Variants in OSGIN2 observed in about 807,000 individuals in gnomAD.
The protein encoded by OSGIN2 is oxidative stress-induced growth inhibitor 2.
A neutral mutation model predicts 53.8 loss-of-function variants in OSGIN2; 19 were observed. The ratio of observed to expected loss-of-function variants is 0.35; its 90% CI spans 0.25 to 0.52. The LOEUF (loss-of-function observed/expected upper bound fraction) is 0.52, where lower values mean the gene tolerates loss of function less well. Ranked by LOEUF, OSGIN2 falls within the 20% of genes least tolerant of loss-of-function variation. The pLI is 0.95. For missense variants in OSGIN2, 520 were observed against 662.7 expected, an observed-to-expected ratio of 0.78 and a Z score of 2.36; for synonymous variants, 236 against 236.0, an observed-to-expected ratio of 1.00 and a Z score of 0.00.
intron 4 of OSGIN2, among the ~76,000 whole-genome samples, chr8:89,920,677 T>C (rs1279765580): frequency 6.6e-6 from 1 of 152,218 alleles, no homozygotes; most frequent in Non-Finnish European, 1.5e-5. Context: ...TGGAAAGCCA[T>C]CTAAAATTTT....
chr8:89,911,521 T>C (rs562975971), intron 2 of OSGIN2, among the ~76,000 whole-genome samples: 3 of 150,904 alleles, frequency 2.0e-5, no homozygotes, highest in East Asian at 2.0e-4. Context: ...TCCTAGCTAC[T>C]TGGGAGGCTG....
chr8:89,911,778 C>CA (rs1808973671), intron 2 of OSGIN2, among the ~76,000 whole-genome samples: 1 of 148,198 alleles, frequency 6.7e-6, no homozygotes, highest in Admixed American at 6.7e-5. Flanking sequence ...ACTAAAAATA[C>CA]AAAAAATTAG....
At position 89,912,743 on chromosome 8, in the gene OSGIN2, T is replaced by TC. The variant is rs1563468574; in HGVS notation, c.200-1334_200-1333insC. Among the ~76,000 whole-genome samples the TC allele has an allele frequency of 6.6e-3, 979 of 148,426 alleles. 13 individuals are homozygous for TC. Among genetic ancestry groups the TC allele is most frequent in the African/African-American group, 0.023 (917 of 40,056 alleles). On this transcript the variant is annotated intron_variant, in intron 2 of 5. Coordinates refer to ENST00000451899, the MANE Select transcript of OSGIN2 (RefSeq NM_001126111.3). ...CCTGGTGACACAGCGAGACTCTGTC[T>TC]GAAAAAAAAAAACACAACGAAAAAA...
intron 1 of OSGIN2, among the ~76,000 whole-genome samples, chr8:89,905,101 C>G (rs1585996587): frequency 1.3e-5 from 2 of 152,188 alleles, no homozygotes; most frequent in Admixed American, 1.3e-4. Flanking sequence ...ATCATTTAAA[C>G]AAGTACTGCT....
intron 1 of OSGIN2, among the ~76,000 whole-genome samples, chr8:89,908,892 C>T (rs917221503): frequency 6.6e-6 from 1 of 150,516 alleles, no homozygotes; most frequent in African/African-American, 2.4e-5. Context: ...ACACCTGTAG[C>T]CCTGGCTACT....
chr8:89,909,037 A>AAAAAAAT (rs1554550040), intron 1 of OSGIN2, among the ~76,000 whole-genome samples: 2 of 84,902 alleles, frequency 2.4e-5, no homozygotes, highest in Non-Finnish European at 4.1e-5. Context: ...AAAAAAAAAA[A>AAAAAAAT]ATATATATAT....
intron 5 of OSGIN2, among the ~76,000 whole-genome samples, 195 bp from the exon 6 acceptor site, chr8:89,924,308 T>C (rs1007286432): frequency 5.3e-5 from 8 of 152,154 alleles, no homozygotes; most frequent in African/African-American, 9.7e-5. Flanking sequence ...TGGGACTTCT[T>C]CCAATTTTTT....
chr8:89,924,646 A>G lies in OSGIN2; in HGVS notation c.764A>G (p.Asp255Gly), dbSNP rs748489441. 1.9e-6 allele frequency: 3 copies of G among 1,614,156 alleles called. No homozygotes were observed. Among genetic ancestry groups the G allele is most frequent in the East Asian group, 4.5e-5 (2 of 44,886 alleles). The change falls in exon 6 of 6, where the codon GAT becomes GGT. Residue 255 changes from aspartate (D) to glycine (G), a missense_variant. Asp to Gly is a moderately conservative substitution (Grantham distance 94). Coordinates refer to ENST00000451899, the MANE Select transcript of OSGIN2 (RefSeq NM_001126111.3). ...VSRLYRDQDDDDIQDRDISTK... is the reference protein window; with the variant it reads ...VSRLYRDQDDGDIQDRDISTK... ...AGACTCTACAGAGATCAAGATGATG[A>G]TGATATTCAAGACAGAGATATTTCA...
rs958594182 is a variant in OSGIN2 at position 89,902,649 on chromosome 8, G to T, written c.-145G>T. The T allele has an allele frequency of 2.6e-4, 46 of 173,966 alleles. No homozygotes were observed. Among genetic ancestry groups the T allele is most frequent in the Non-Finnish European group, 4.2e-4 (37 of 87,720 alleles). 10.8% of individuals were successfully genotyped at this position (173,966 alleles called of 1,614,324 possible). ...ACTCCGGCGCCACAGAGCCGGGGCAGCCGCGGCAACGGCGAGGCGCGAGGC... is the reference window on the plus strand; with the variant it reads ...ACTCCGGCGCCACAGAGCCGGGGCATCCGCGGCAACGGCGAGGCGCGAGGC... On this transcript the variant is annotated 5_prime_UTR_variant, in exon 1 of 6. Transcript: ENST00000451899.
At chr8:89,906,326 G>A (rs1408794807) in intron 1 of OSGIN2, among the ~76,000 whole-genome samples, 2 of 152,200 alleles carry the variant, frequency 1.3e-5, no homozygotes, top group Non-Finnish European at 2.9e-5. Context: ...AATGTTTTAA[G>A]AAAGTCTACG....
At chr8:89,917,068 A>G (rs1404154973) in intron 4 of OSGIN2, among the ~76,000 whole-genome samples, 1 of 152,178 alleles carries the variant, frequency 6.6e-6, no homozygotes, top group Non-Finnish European at 1.5e-5. Flanking sequence ...CACCTAATTC[A>G]TGGGTCTTCC....
At chr8:89,920,870 C>T (rs529884135) in intron 4 of OSGIN2, among the ~76,000 whole-genome samples, 15 of 152,066 alleles carry the variant, frequency 9.9e-5, no homozygotes, top group South Asian at 4.2e-4. Context: ...AGAAGGTTGT[C>T]GGGATAATAT....
At chr8:89,904,324 C>T (rs895129876) in intron 1 of OSGIN2, among the ~76,000 whole-genome samples, 3 of 152,174 alleles carry the variant, frequency 2.0e-5, no homozygotes, top group Non-Finnish European at 4.4e-5. Context: ...GTGTAGGATT[C>T]ATATTCTTTT....
chr8:89,921,160 A>C lies in OSGIN2; in HGVS notation c.609A>C (p.Ser203=). Residue 203 remains serine (S), a synonymous_variant, in exon 5 of 6, where the codon TCA becomes TCC. Transcript: ENST00000451899. The stretch of plus-strand genomic sequence containing the variant: ...GACTTAAATTTAAGGACTGGGTATC[A>C]AGTAAACGAAGGTAAAGATTGAACT... ...LPGLKFKDWV[S]SKRRSLKGDR... 6.3e-7 allele frequency: 1 copy of C among 1,576,590 alleles called. No homozygotes were observed. The highest frequency in any genetic ancestry group is 8.7e-7 in the Non-Finnish European group (1 of 1,154,796).
At chr8:89,914,299 A>C in intron 3 of OSGIN2, 86 bp downstream of exon 3, 1 of 944,718 alleles carries the variant, frequency 1.1e-6, no homozygotes, top group Non-Finnish European at 1.6e-6. Flanking sequence ...CTTAGTTGAA[A>C]CCCCTTATTC....
rs1355577847 is a variant in OSGIN2 at position 89,925,622 on chromosome 8, T to G, written c.*90T>G. ...GTGTACTGGCTTGAATTTTCTGGAC[T>G]TGAGTTAACTGAAGGAGAGCCTCAA... On this transcript the variant is annotated 3_prime_UTR_variant, in exon 6 of 6. Transcript: ENST00000451899. 1.1e-6 allele frequency: 1 copy of G among 931,454 alleles called. No individual in the cohort carries two copies. Among genetic ancestry groups the G allele is most frequent in the Non-Finnish European group, 1.6e-6 (1 of 631,358 alleles). 57.7% of individuals were successfully genotyped at this position (931,454 alleles called of 1,614,324 possible).
rs544769442 is a variant in OSGIN2, at chr8:89,926,387, G to A, written c.*855G>A. ...CTGATTTGTAGTTCAATAAATTGTG[G>A]GTTGAACTACTTATCCCTGTGTGAA... On this transcript the variant is annotated 3_prime_UTR_variant, in exon 6 of 6. Transcript: ENST00000451899. 3 of 152,648 alleles carry A rather than the reference G, an allele frequency of 2.0e-5. No individual in the cohort carries two copies. In the East Asian group the frequency reaches 5.8e-4, roughly 29 times the overall value. The allele number at this position is 152,648 out of a possible 1,614,324, so 9.5% of individuals were successfully genotyped here.
At chr8:89,913,723 A>G (rs1195669072) in intron 2 of OSGIN2, among the ~76,000 whole-genome samples, 10 of 152,132 alleles carry the variant, frequency 6.6e-5, no homozygotes, top group African/African-American at 2.2e-4. Context: ...CAATGAAGGG[A>G]CTCATGAGCT....
upstream of OSGIN2, among the ~76,000 whole-genome samples, chr8:89,902,377 C>G (rs940501662): frequency 6.6e-6 from 1 of 152,160 alleles, no homozygotes; most frequent in African/African-American, 2.4e-5. Flanking sequence ...AGTTTGCCTG[C>G]AGACCTCGGT....
Sources: allele counts gnomAD v4.1 joint callset (sites outside exome capture counted in the v4.1 genomes callset), GRCh38; gene constraint gnomAD v4.1.1; transcripts MANE v1.5; gene names NCBI Gene and HGNC (gene_info 2026-07-23, HGNC 2026-07-21).